The following NUP153 variants were observed in gnomAD, a reference collection of about 807,000 sequenced individuals.
The protein encoded by NUP153 is nucleoporin 153.
A neutral mutation model predicts 134.6 loss-of-function variants in NUP153; 27 were observed. That is an observed-to-expected ratio of 0.20 (90% CI 0.15 to 0.28). NUP153 has a LOEUF of 0.28. Ranked by LOEUF, NUP153 falls within the 10% of genes least tolerant of loss-of-function variation. NUP153 has a pLI of 1.00. For missense variants in NUP153, 1,821 were observed against 1,731.3 expected (o/e 1.05, Z -0.92); for synonymous variants, 640 against 623.5 (o/e 1.03, Z -0.40).
At chr6:17,623,357 C>CA (rs11326447) in intron 20 of NUP153, among the ~76,000 whole-genome samples, 3,822 of 81,802 alleles carry the variant, frequency 0.047, 91 homozygotes, top group African/African-American at 0.087. Context: ...GAAAAATGGC[C>CA]AAAAAAAAAA....
At position 17,646,046 on chromosome 6, in the gene NUP153, A is replaced by G. The variant is rs140676985; in HGVS notation, c.1720+21T>C. The G allele has an allele frequency of 9.4e-5, 107 of 1,141,714 alleles. No individual in the cohort carries two copies. The African/African-American group carries it at 1.2e-3, about 13-fold the overall frequency. The allele number at this position is 1,141,714 out of a possible 1,614,324, so 70.7% of individuals were successfully genotyped here. A position where few individuals can be genotyped will look rare whatever the true frequency, so the allele number is the denominator to read the frequency against. ...TGTATGCAATTGTTTGTATGTTAAAATGTAAGAAATTTTTACTTACCTGAA... is the reference window on the plus strand; with the variant it reads ...TGTATGCAATTGTTTGTATGTTAAAGTGTAAGAAATTTTTACTTACCTGAA... On this transcript the variant is annotated intron_variant, in intron 14 of 21. Coordinates refer to ENST00000262077, the MANE Select transcript of NUP153 (RefSeq NM_005124.4).
At chr6:17,627,657 G>A (rs890194591) in intron 18 of NUP153, among the ~76,000 whole-genome samples, 4 of 152,028 alleles carry the variant, frequency 2.6e-5, no homozygotes, top group East Asian at 1.9e-4. Context: ...TACGGCACCC[G>A]GATTGTCTTT....
intron 15 of NUP153, 149 bp from the exon 16 acceptor site, chr6:17,637,919 T>A: frequency 2.3e-6 from 2 of 865,758 alleles, no homozygotes; most frequent in Non-Finnish European, 3.4e-6. Context: ...TTCACTTAAG[T>A]AATCATATTT....
Position 17,628,601 on chromosome 6 carries a change from G to T in NUP153, c.3544+54C>A. The T allele has an allele frequency of 1.0e-6, 1 of 963,940 alleles. No homozygotes were observed. The highest frequency in any genetic ancestry group is 1.3e-6 in the Non-Finnish European group (1 of 786,906). 59.7% of individuals were successfully genotyped at this position (963,940 alleles called of 1,614,324 possible). A position where few individuals can be genotyped will look rare whatever the true frequency, so the allele number is the denominator to read the frequency against. On this transcript the variant is annotated intron_variant, in intron 18 of 21. Coordinates refer to ENST00000262077, the MANE Select transcript of NUP153 (RefSeq NM_005124.4). The surrounding 1 kb of genome is among the most constrained non-coding windows in gnomAD (Gnocchi z 5.4). ...CATCTGTCAAGGCAACTTGTAAAAC[G>T]ACAACTTGTAAAAAAAAAAATAATA...
rs1200185625 is a variant in NUP153 at position 17,625,418 on chromosome 6, T to A, written c.3901+390A>T. ...GGTGGCGGGCACCTGTAATCCCAGC[T>A]ACTCAGGAGGCTGAGGCAGGAGAAT... On this transcript the variant is annotated intron_variant, in intron 19 of 21. Coordinates refer to ENST00000262077, the MANE Select transcript of NUP153 (RefSeq NM_005124.4). This position sits in a 1 kb window ranked among gnomAD's most constrained non-coding sequence, Gnocchi z 4.7. Among the ~76,000 whole-genome samples, 1 of 152,066 alleles carries A rather than the reference T, an allele frequency of 6.6e-6. No individual in the cohort carries two copies. The highest frequency in any genetic ancestry group is 1.5e-5 in the Non-Finnish European group (1 of 68,016).
At chr6:17,700,784 G>T (rs1561915734) in intron 1 of NUP153, among the ~76,000 whole-genome samples, 2 of 152,194 alleles carry the variant, frequency 1.3e-5, no homozygotes, top group African/African-American at 4.8e-5. Flanking sequence ...GCTAAGAATG[G>T]TTTTTACATT....
At chr6:17,704,088 C>G (rs1770302585) in intron 1 of NUP153, among the ~76,000 whole-genome samples, 1 of 152,172 alleles carries the variant, frequency 6.6e-6, no homozygotes, top group Non-Finnish European at 1.5e-5. Context: ...GTCAGGAGAT[C>G]GAGATCGTCC....
intron 11 of NUP153, among the ~76,000 whole-genome samples, chr6:17,656,288 A>G (rs549096957): frequency 6.7e-4 from 102 of 152,324 alleles, no homozygotes; most frequent in Admixed American, 2.0e-3. Flanking sequence ...AAATGTGGAC[A>G]TTATAACTTC....
chr6:17,703,643 T>C (rs1770266231), intron 1 of NUP153, among the ~76,000 whole-genome samples: 1 of 145,946 alleles, frequency 6.9e-6, no homozygotes, highest in Admixed American at 6.9e-5. Flanking sequence ...AGAAAGTCCT[T>C]ATTTTTAAGA....
At chr6:17,669,746 TGA>T (rs1213223476) in intron 5 of NUP153, among the ~76,000 whole-genome samples, 200 bp from the exon 6 acceptor site, 1 of 152,094 alleles carries the variant, frequency 6.6e-6, no homozygotes, top group Non-Finnish European at 1.5e-5. Context: ...ATTCTCTGAT[TGA>T]GAAATTACCT....
chr6:17,663,961 T>C lies in NUP153; in HGVS notation c.1215+1278A>G, dbSNP rs9367957. On this transcript the variant is annotated intron_variant, in intron 9 of 21. Coordinates refer to ENST00000262077, the MANE Select transcript of NUP153 (RefSeq NM_005124.4). ...ACACAAACACACAAAAAAACACTTA[T>C]ACATAAATGTTGACAGGAGCATTAT... 1.9e-4 allele frequency among the ~76,000 whole-genome samples: 29 copies of C among 152,128 alleles called. 1 individual carries two copies. In the East Asian group the frequency reaches 5.2e-3, roughly 27 times the overall value.
chr6:17,637,501 T>C lies in NUP153; in HGVS notation c.2116A>G (p.Thr706Ala), dbSNP rs1183704657. 1 of 1,614,212 alleles carries C rather than the reference T, an allele frequency of 6.2e-7. No homozygotes were observed. The highest frequency in any genetic ancestry group is 2.2e-5 in the East Asian group (1 of 44,894). Residue 706 changes from threonine to alanine, a missense_variant, in exon 16 of 22, where the codon ACA becomes GCA. Coordinates refer to ENST00000262077, the MANE Select transcript of NUP153 (RefSeq NM_005124.4). ...CCTGTCCCTGATGCAGAAAGAGTTG[T>C]TTTGCCACTTTTATTTGGTGTTTCA... ...GIETPNKSGK[T>A]TLSASGTGFG...
At chr6:17,665,717 G>GTTT (rs770751126) in intron 8 of NUP153, among the ~76,000 whole-genome samples, 1 of 147,722 alleles carries the variant, frequency 6.8e-6, no homozygotes, top group Non-Finnish European at 1.5e-5. Context: ...ACCTTTTACA[G>GTTT]TTTTTTGTTT....
chr6:17,637,064 T>C, intron 16 of NUP153, 89 bp downstream of exon 16: 4 of 1,297,876 alleles, frequency 3.1e-6, no homozygotes, highest in Non-Finnish European at 3.2e-6. Context: ...ATGCTCATCC[T>C]GAAACATCTA....
intron 2 of NUP153, among the ~76,000 whole-genome samples, chr6:17,677,733 T>C (rs902140406): frequency 0.023 from 8 of 352 alleles, no homozygotes; most frequent in Middle Eastern, 0.5. Context: ...TTTTTTTTCC[T>C]TTTTTTTTTT....
chr6:17,632,787 C>G lies in NUP153; in HGVS notation c.2522G>C (p.Gly841Ala). The G allele has an allele frequency of 1.9e-6, 3 of 1,611,842 alleles. No individual in the cohort carries two copies. Among genetic ancestry groups the G allele is most frequent in the South Asian group, 1.1e-5 (1 of 91,034 alleles). The change falls in exon 17 of 22, where the codon GGC becomes GCC. Residue 841 changes from glycine to alanine, a missense_variant. Physicochemically the swap from Gly to Ala is moderately conservative, Grantham distance 60. Transcript: ENST00000262077. ...STVPVSLPSG[G>A]SLGLEKFKKP... ...CTTGAACTTTTCCAATCCTAGAGAG[C>G]CTCCAGAAGGCAGAGAGACAGGTAC...
chr6:17,661,309 A>G (rs1221444844), intron 11 of NUP153, among the ~76,000 whole-genome samples: 3 of 152,172 alleles, frequency 2.0e-5, no homozygotes, highest in Non-Finnish European at 4.4e-5. Context: ...GCAAGACTGT[A>G]TCTTAAAAAA....
At chr6:17,645,765 A>T (rs1244423584) in intron 14 of NUP153, among the ~76,000 whole-genome samples, 1 of 152,132 alleles carries the variant, frequency 6.6e-6, no homozygotes, top group Admixed American at 6.5e-5. Context: ...TTATAATGAG[A>T]CTTGCTTTAT....
rs1765085645 is a variant in NUP153 at position 17,628,919 on chromosome 6, A to G, written c.3280T>C (p.Ser1094Pro). The change falls in exon 18 of 22, where the codon TCT becomes CCT. Residue 1094 changes from serine (S) to proline (P), a missense_variant. Physicochemically the swap from Ser to Pro is moderately conservative, Grantham distance 74 (BLOSUM62 -1). Transcript: ENST00000262077. This position sits in a 1 kb window ranked among gnomAD's most constrained non-coding sequence, Gnocchi z 5.4. ...FGNVEPASLP[S>P]ASVFVLGRTE... is the part of the protein sequence containing the mutation. ...CTTCCCAAAACAAACACTGAGGCAG[A>G]TGGCAGAGAGGCAGGCTCCACGTTG... 6.2e-7 allele frequency: 1 copy of G among 1,614,192 alleles called. No homozygotes were observed. The highest frequency in any genetic ancestry group is 8.5e-7 in the Non-Finnish European group (1 of 1,180,018).
Sources: allele counts gnomAD v4.1 joint callset (sites outside exome capture counted in the v4.1 genomes callset), GRCh38; gene constraint gnomAD v4.1.1; non-coding constraint Gnocchi (gnomAD v3.1); transcripts MANE v1.5; gene names NCBI Gene and HGNC (gene_info 2026-07-23, HGNC 2026-07-21).